Variants in RBMS1 observed in about 807,000 individuals in gnomAD.
RBMS1 encodes RNA binding motif single stranded interacting protein 1, also known as RNA-binding motif, single-stranded-interacting protein 1.
RBMS1 carries 17 observed loss-of-function variants against 62.3 expected under a neutral mutation model. The ratio of observed to expected loss-of-function variants is 0.27; its 90% CI spans 0.19 to 0.41. The LOEUF is 0.41. Among genes scored for constraint, RBMS1 ranks in the 10% least tolerant of loss-of-function variants. The pLI is 1.00. For synonymous variants in RBMS1, 172 were observed against 170.0 expected, an observed-to-expected ratio of 1.01 and a Z score of -0.09; for missense variants, 334 against 504.5, an observed-to-expected ratio of 0.66 and a Z score of 3.24.
chr2:160,485,927 T>A (rs1685583238), intron 1 of RBMS1, among the ~76,000 whole-genome samples: 1 of 152,170 alleles, frequency 6.6e-6, no homozygotes, highest in Admixed American at 6.5e-5. Context: ...AAATTTTTCT[T>A]TTTATAAATG....
At chr2:160,349,353 A>G (rs1692358746) in intron 2 of RBMS1, among the ~76,000 whole-genome samples, 1 of 152,168 alleles carries the variant, frequency 6.6e-6, no homozygotes, top group African/African-American at 2.4e-5. Flanking sequence ...TCATTACAAA[A>G]ATGACTTGAT....
chr2:160,407,637 G>C, intron 1 of RBMS1: 1 of 981,824 alleles, frequency 1.0e-6, no homozygotes, highest in Non-Finnish European at 1.2e-6. Flanking sequence ...CGGGGCCGCG[G>C]CAGCTCTGGG....
At chr2:160,348,131 G>C (rs77534117) in intron 2 of RBMS1, among the ~76,000 whole-genome samples, 3,806 of 152,098 alleles carry the variant, frequency 0.025, 192 homozygotes, top group African/African-American at 0.087. Context: ...AAAACATAGT[G>C]AGAAAGTAAA....
intron 1 of RBMS1, among the ~76,000 whole-genome samples, chr2:160,484,388 G>C (rs544417524): frequency 1.4e-5 from 2 of 143,018 alleles, no homozygotes; most frequent in East Asian, 4.4e-4. Context: ...CCAGCTACTC[G>C]GGATGCTGAG....
intron 2 of RBMS1, among the ~76,000 whole-genome samples, chr2:160,328,800 C>T (rs1691095680): frequency 6.6e-6 from 1 of 152,154 alleles, no homozygotes; most frequent in Non-Finnish European, 1.5e-5. Flanking sequence ...GTAAATCACA[C>T]AACTGGAAAT....
chr2:160,449,095 C>T (rs1386968632), intron 1 of RBMS1, among the ~76,000 whole-genome samples: 3 of 151,132 alleles, frequency 2.0e-5, no homozygotes, highest in Non-Finnish European at 2.9e-5. Context: ...CCCCTCCGCC[C>T]GGCAGCCGCC....
chr2:160,454,270 T>C (rs1443106770), intron 1 of RBMS1, among the ~76,000 whole-genome samples: 1 of 152,266 alleles, frequency 6.6e-6, no homozygotes, highest in East Asian at 1.9e-4. Flanking sequence ...TATTTACTCT[T>C]TTCATGCAAT....
chr2:160,393,222 A>C (rs1694953331), intron 1 of RBMS1, among the ~76,000 whole-genome samples: 1 of 152,180 alleles, frequency 6.6e-6, no homozygotes, highest in Non-Finnish European at 1.5e-5. Flanking sequence ...AAATGGTCAA[A>C]ATTCAGGTAA....
chr2:160,462,979 A>G (rs1684530414), intron 1 of RBMS1, among the ~76,000 whole-genome samples: 1 of 152,236 alleles, frequency 6.6e-6, no homozygotes, highest in South Asian at 2.1e-4. Context: ...GGAAGTTAGA[A>G]GGCAGTCTAA....
At chr2:160,482,379 A>G (rs1395685811) in intron 1 of RBMS1, among the ~76,000 whole-genome samples, 1 of 151,710 alleles carries the variant, frequency 6.6e-6, no homozygotes, top group African/African-American at 2.4e-5. Context: ...GAGTATATCA[A>G]CCTACAGATT....
At chr2:160,343,478 T>C (rs954670860) in intron 2 of RBMS1, among the ~76,000 whole-genome samples, 2 of 152,174 alleles carry the variant, frequency 1.3e-5, no homozygotes, top group Non-Finnish European at 2.9e-5. Context: ...ACAAGTTCAG[T>C]GGGGCCTCCT....
At chr2:160,402,856 T>C (rs1425676230) in intron 1 of RBMS1, among the ~76,000 whole-genome samples, 1 of 152,244 alleles carries the variant, frequency 6.6e-6, no homozygotes, top group Non-Finnish European at 1.5e-5. Context: ...CTGAGGTTTA[T>C]ACATCCTTAA....
At chr2:160,277,620 G>C (rs1356623521) in intron 11 of RBMS1, 3 of 377,548 alleles carry the variant, frequency 7.9e-6, no homozygotes, top group African/African-American at 2.1e-5. Flanking sequence ...TGCTAACAAA[G>C]TGAAGATAAA....
At chr2:160,460,015 A>G (rs1328908898) in intron 1 of RBMS1, among the ~76,000 whole-genome samples, 1 of 152,158 alleles carries the variant, frequency 6.6e-6, no homozygotes, top group East Asian at 1.9e-4. Context: ...CTAACACACA[A>G]TTCAATCCAT....
chr2:160,385,362 T>TA (rs1232201699), intron 1 of RBMS1, among the ~76,000 whole-genome samples: 1 of 151,654 alleles, frequency 6.6e-6, no homozygotes, highest in Admixed American at 6.6e-5. Context: ...CACAGCCTCA[T>TA]AAAAAAATAA....
intron 1 of RBMS1, among the ~76,000 whole-genome samples, chr2:160,403,170 G>C (rs1241262790): frequency 6.6e-6 from 1 of 152,084 alleles, no homozygotes; most frequent in African/African-American, 2.4e-5. Flanking sequence ...TCATCATCAT[G>C]ACTCATAGAT....
chr2:160,493,625 A>C lies in RBMS1; in HGVS notation c.-262T>G. 1.8e-6 allele frequency: 1 copy of C among 550,856 alleles called. No homozygotes were observed. Among genetic ancestry groups the C allele is most frequent in the Non-Finnish European group, 3.2e-6 (1 of 307,804 alleles). 34.1% of individuals were successfully genotyped at this position (550,856 alleles called of 1,614,324 possible). A position where few individuals can be genotyped will look rare whatever the true frequency, so the allele number is the denominator to read the frequency against. On this transcript the variant is annotated 5_prime_UTR_variant, in exon 1 of 14. Transcript: ENST00000348849. ...GAAAGAAAGACACTGCAGAGCGCAG[A>C]GGGCACCCCGGACAGGGCGCTCCCA...
chr2:160,318,117 C>T, intron 3 of RBMS1, 52 bp downstream of exon 3: 2 of 1,560,850 alleles, frequency 1.3e-6, no homozygotes, highest in Non-Finnish European at 1.7e-6. Context: ...TTTTAAATTC[C>T]ATCATTTTTC....
chr2:160,424,004 A>C (rs1400012489), intron 1 of RBMS1, among the ~76,000 whole-genome samples: 5 of 151,180 alleles, frequency 3.3e-5, no homozygotes, highest in Non-Finnish European at 5.9e-5. Flanking sequence ...TGGAAGTTCA[A>C]GAAAAAAAGT....
Sources: gnomAD v4.1 joint callset for allele counts (sites outside exome capture counted in the v4.1 genomes callset) on GRCh38, gnomAD v4.1.1 for gene constraint, MANE v1.5 for transcripts, NCBI Gene and HGNC (gene_info 2026-07-23, HGNC 2026-07-21) for gene names.